Variants in MED13 observed in about 807,000 individuals in gnomAD.
MED13 encodes the protein mediator complex subunit 13, also known as mediator of RNA polymerase II transcription subunit 13.
A neutral mutation model predicts 225.2 loss-of-function variants in MED13; 23 were observed. The ratio of observed to expected loss-of-function variants is 0.10; its 90% confidence interval spans 0.07 to 0.14. The LOEUF is 0.14. Ranked by LOEUF, MED13 falls within the 10% of genes least tolerant of loss-of-function variation. The pLI, the probability that MED13 is intolerant of heterozygous loss-of-function variation, is 1.00. For missense variants in MED13, 2,197 were observed against 2,594.5 expected (o/e 0.85, Z 3.33); for synonymous variants, 942 against 889.2 (o/e 1.06, Z -1.06).
chr17:62,048,026 A>G (rs943669117), intron 3 of MED13, among the ~76,000 whole-genome samples: 1 of 113,618 alleles, frequency 8.8e-6, no homozygotes, highest in South Asian at 3.2e-4. Flanking sequence ...ACATATATAC[A>G]TATACATATA....
intron 9 of MED13, among the ~76,000 whole-genome samples, chr17:61,998,227 C>T (rs181782361): frequency 3.2e-3 from 490 of 152,256 alleles, no homozygotes; most frequent in Middle Eastern, 0.014. Flanking sequence ...TTTCCTCAAA[C>T]GAACTTTCAC....
At chr17:62,002,446 G>A (rs1306221348) in intron 9 of MED13, among the ~76,000 whole-genome samples, 5 of 133,092 alleles carry the variant, frequency 3.8e-5, no homozygotes, top group East Asian at 2.2e-4. Context: ...CCGAGATTGC[G>A]CCACTGCACT....
intron 2 of MED13, among the ~76,000 whole-genome samples, chr17:62,058,032 A>G (rs1236122332): frequency 6.6e-6 from 1 of 152,228 alleles, no homozygotes; most frequent in Non-Finnish European, 1.5e-5. Flanking sequence ...CTCTCCTTCA[A>G]GACCACATTA....
At chr17:62,034,651 T>G (rs1162512802) in intron 4 of MED13, among the ~76,000 whole-genome samples, 1 of 152,184 alleles carries the variant, frequency 6.6e-6, no homozygotes, top group African/African-American at 2.4e-5. Context: ...TCTAAATATT[T>G]ATAATGTACT....
intron 4 of MED13, among the ~76,000 whole-genome samples, chr17:62,034,376 A>G (rs1164362658): frequency 6.6e-6 from 1 of 151,300 alleles, no homozygotes; most frequent in African/African-American, 2.4e-5. Flanking sequence ...AATCCCAGCT[A>G]CTCGGGAGGC....
intron 9 of MED13, among the ~76,000 whole-genome samples, chr17:61,997,977 T>C (rs2080360155): frequency 6.6e-6 from 1 of 152,230 alleles, no homozygotes; most frequent in Non-Finnish European, 1.5e-5. Context: ...TTTTATTGAA[T>C]CATTCTCACA....
intron 8 of MED13, among the ~76,000 whole-genome samples, chr17:62,013,877 A>C (rs1380677870): frequency 1.3e-5 from 2 of 152,106 alleles, no homozygotes; most frequent in African/African-American, 4.8e-5. Flanking sequence ...CGTCTCCACT[A>C]AAAACACAAA....
chr17:61,965,802 A>C (rs1342024081), intron 19 of MED13, among the ~76,000 whole-genome samples: 6 of 152,228 alleles, frequency 3.9e-5, no homozygotes, highest in Non-Finnish European at 4.4e-5. Flanking sequence ...AGGGTTTCTA[A>C]ATCACAAATC....
chr17:62,051,587 T>A (rs1338012181), intron 3 of MED13, among the ~76,000 whole-genome samples: 1 of 152,220 alleles, frequency 6.6e-6, no homozygotes, highest in African/African-American at 2.4e-5. Context: ...CCTTTATTTA[T>A]CCAGGCTTAT....
intron 26 of MED13, among the ~76,000 whole-genome samples, chr17:61,954,997 G>C (rs1188728386): frequency 6.6e-6 from 1 of 152,158 alleles, no homozygotes; most frequent in Non-Finnish European, 1.5e-5. Flanking sequence ...TGTTGGCAAG[G>C]CTGAAAGGGA....
intron 8 of MED13, among the ~76,000 whole-genome samples, chr17:62,022,093 A>G (rs2080653290): frequency 6.6e-6 from 1 of 151,654 alleles, no homozygotes. Context: ...CCCTCAACCC[A>G]GGAGACGGAG....
chr17:62,062,675 C>A (rs1215570610), intron 2 of MED13, among the ~76,000 whole-genome samples: 1 of 151,746 alleles, frequency 6.6e-6, no homozygotes, highest in Non-Finnish European at 1.5e-5. Context: ...CTATTCAATG[C>A]AAAAGACTCA....
At chr17:62,013,132 A>G (rs2080528058) in intron 8 of MED13, among the ~76,000 whole-genome samples, 1 of 152,120 alleles carries the variant, frequency 6.6e-6, no homozygotes, top group Admixed American at 6.5e-5. Context: ...CTTATTGTGC[A>G]TAGAGAAAAA....
intron 15 of MED13, among the ~76,000 whole-genome samples, chr17:61,983,341 A>T (rs533053257): frequency 1.5e-3 from 224 of 152,308 alleles, no homozygotes; most frequent in African/African-American, 5.2e-3. Flanking sequence ...AAAAATCATT[A>T]ATAAGCACTC....
At chr17:61,990,017 T>C (rs1395161492) in intron 11 of MED13, among the ~76,000 whole-genome samples, 1 of 152,228 alleles carries the variant, frequency 6.6e-6, no homozygotes, top group African/African-American at 2.4e-5. Context: ...TTCAGATAGA[T>C]TTTTTTCTTA....
chr17:61,980,178 ACT>A (rs1311471478), intron 16 of MED13, among the ~76,000 whole-genome samples: 4 of 151,970 alleles, frequency 2.6e-5, no homozygotes, highest in African/African-American at 7.2e-5. Flanking sequence ...ACAGAGCGAG[ACT>A]CTGTCTCAAA....
At chr17:61,989,690 T>C (rs534247365) in intron 11 of MED13, among the ~76,000 whole-genome samples, 1 of 152,230 alleles carries the variant, frequency 6.6e-6, no homozygotes, top group Non-Finnish European at 1.5e-5. Flanking sequence ...AAGGTGGTCT[T>C]GAACTCCTGG....
At chr17:62,043,115 C>G (rs1193479931) in intron 3 of MED13, among the ~76,000 whole-genome samples, 2 of 128,200 alleles carry the variant, frequency 1.6e-5, no homozygotes, top group Non-Finnish European at 3.1e-5. Context: ...AAGATTACAC[C>G]ACTGTACTCT....
chr17:61,995,184 T>C lies in MED13; in HGVS notation c.2149A>G (p.Asn717Asp), dbSNP rs1281458721. Reference sequence around the variant, plus strand: ...TTTTTTCCAGCTTCTCTCTCACTATTTTGTCTATCTTTTTTATCAGGAAAA... The same window carrying C: ...TTTTTTCCAGCTTCTCTCTCACTATCTTGTCTATCTTTTTTATCAGGAAAA... ...FLFPDKKDRQ[N>D]SEREAGKKHK... The change falls in exon 10 of 30, where the codon AAT becomes GAT. Residue 717 changes from asparagine (N) to aspartate (D), a missense_variant. Around this residue, in one of 12 missense-constraint regions of MED13, gnomAD observed 884 missense variants for 918.5 expected, o/e 0.96. Coordinates refer to ENST00000397786, the MANE Select transcript of MED13 (RefSeq NM_005121.3). 2 of 1,613,618 alleles carry C rather than the reference T, an allele frequency of 1.2e-6. No homozygotes were observed. Among genetic ancestry groups the C allele is most frequent in the African/African-American group, 2.7e-5 (2 of 74,900 alleles).
Sources: allele counts gnomAD v4.1 joint callset (sites outside exome capture counted in the v4.1 genomes callset), GRCh38; gene constraint gnomAD v4.1.1; regional missense constraint gnomAD v4.1.1; transcripts MANE v1.5; gene names NCBI Gene and HGNC (gene_info 2026-07-23, HGNC 2026-07-21).